Variants in TYW1B observed in about 807,000 individuals in gnomAD.
TYW1B encodes the protein S-adenosyl-L-methionine-dependent tRNA 4-demethylwyosine synthase TYW1B.
A neutral mutation model predicts 86.9 loss-of-function variants in TYW1B; 73 were observed. The observed-to-expected ratio is 0.84, with a 90% CI of 0.70 to 1.02. The LOEUF (loss-of-function observed/expected upper bound fraction) is 1.02, where lower values mean the gene tolerates loss of function less well. Ranked by LOEUF, TYW1B falls within the 50% of genes least tolerant of loss-of-function variation. The pLI is 0.00. For missense variants in TYW1B, 637 were observed against 827.4 expected (o/e 0.77, Z 2.82); for synonymous variants, 248 against 292.8 (o/e 0.85, Z 1.56).
intron 11 of TYW1B, among the ~76,000 whole-genome samples, chr7:72,644,191 AATAG>A (rs1406932590): frequency 2.0e-5 from 3 of 152,230 alleles, no homozygotes; most frequent in East Asian, 1.9e-4. Flanking sequence ...AGCCATTGAT[AATAG>A]ATAGTCACAT....
chr7:72,601,747 A>G (rs1554433775), intron 13 of TYW1B, among the ~76,000 whole-genome samples: 1 of 150,708 alleles, frequency 6.6e-6, no homozygotes, highest in African/African-American at 2.5e-5. Context: ...GCATATTGCT[A>G]AGTGAAAAAA....
intron 9 of TYW1B, among the ~76,000 whole-genome samples, chr7:72,719,275 G>T (rs536466895): frequency 9.2e-5 from 14 of 151,968 alleles, no homozygotes; most frequent in Admixed American, 2.0e-4. Flanking sequence ...TGCCTCCTCA[G>T]GTGCTAGGAC....
rs1585829044 is a variant in TYW1B, at chr7:72,589,145, C to T, written c.1786-13426G>A. On this transcript the variant is annotated intron_variant, in intron 13 of 13. Transcript: ENST00000620995. ...TACTCGTTTAAGCCTCAGTTTCCTC[C>T]TTTGGAATATGAGAAAAAATAGTAT... is the stretch of plus-strand genomic sequence containing the variant. 2.0e-5 allele frequency among the ~76,000 whole-genome samples: 3 copies of T among 152,156 alleles called. No individual in the cohort carries two copies. The South Asian group carries it at 6.2e-4, about 31-fold the overall frequency.
At chr7:72,717,627 T>G (rs1554456425) in intron 9 of TYW1B, among the ~76,000 whole-genome samples, 2 of 149,526 alleles carry the variant, frequency 1.3e-5, no homozygotes, top group African/African-American at 5.0e-5. Context: ...GTTAAGGTAT[T>G]GGTGTCAGCT....
intron 13 of TYW1B, among the ~76,000 whole-genome samples, chr7:72,606,965 T>A (rs1465660008): frequency 5.9e-5 from 9 of 152,194 alleles, no homozygotes; most frequent in East Asian, 3.9e-4. Context: ...TTATCACACC[T>A]AGAAACAGGA....
chr7:72,673,280 G>A (rs1427291160), intron 11 of TYW1B, among the ~76,000 whole-genome samples: 3 of 152,216 alleles, frequency 2.0e-5, no homozygotes, highest in Non-Finnish European at 4.4e-5. Flanking sequence ...TATCGAACAC[G>A]GAAGAGACAT....
intron 13 of TYW1B, among the ~76,000 whole-genome samples, chr7:72,594,692 G>A (rs1459726195): frequency 1.3e-5 from 2 of 152,098 alleles, no homozygotes; most frequent in African/African-American, 2.4e-5. Context: ...GCCAGACAAA[G>A]ATCGTACTGG....
intron 11 of TYW1B, among the ~76,000 whole-genome samples, chr7:72,680,489 G>A (rs1554448216): frequency 6.6e-6 from 1 of 152,160 alleles, no homozygotes; most frequent in Admixed American, 6.5e-5. Flanking sequence ...TTTGCCAGGG[G>A]CTCTCAGGCC....
At chr7:72,755,413 T>C (rs1260463108) in intron 7 of TYW1B, among the ~76,000 whole-genome samples, 2 of 152,116 alleles carry the variant, frequency 1.3e-5, no homozygotes, top group Admixed American at 1.3e-4. Flanking sequence ...TGATGGCTCA[T>C]GCCTGTAATC....
intron 11 of TYW1B, among the ~76,000 whole-genome samples, chr7:72,644,876 G>A (rs1228019670): frequency 2.9e-5 from 4 of 140,136 alleles, no homozygotes; most frequent in Non-Finnish European, 6.0e-5. Context: ...TACCCAGGCT[G>A]GAGTGCAGTG....
chr7:72,746,730 T>C (rs1787401818), intron 7 of TYW1B, among the ~76,000 whole-genome samples: 1 of 152,106 alleles, frequency 6.6e-6, no homozygotes, highest in Non-Finnish European at 1.5e-5. Context: ...ATGTAAGAAC[T>C]AGAGCCCATA....
intron 6 of TYW1B, 113 bp from the exon 7 acceptor site, chr7:72,777,646 T>G (rs6968480): frequency 0.74 from 974,162 of 1,312,282 alleles, 365,465 homozygotes; most frequent in Non-Finnish European, 0.77. Context: ...CTGGGCATAG[T>G]GGCTCACGCC....
At chr7:72,651,486 G>C (rs1813055847) in intron 11 of TYW1B, among the ~76,000 whole-genome samples, 1 of 143,938 alleles carries the variant, frequency 6.9e-6, no homozygotes, top group African/African-American at 2.7e-5. Context: ...GGCATGGCGG[G>C]CACCTATAAT....
intron 6 of TYW1B, among the ~76,000 whole-genome samples, chr7:72,791,413 CA>C (rs782341439): frequency 0.2 from 27,619 of 138,392 alleles, 2,156 homozygotes; most frequent in African/African-American, 0.25. Flanking sequence ...TGCTAAACCT[CA>C]AAAAAAAAAA....
chr7:72,591,538 A>G (rs1554431431), intron 13 of TYW1B, among the ~76,000 whole-genome samples: 2 of 152,228 alleles, frequency 1.3e-5, no homozygotes, highest in Non-Finnish European at 1.5e-5. Flanking sequence ...AATAATGTTT[A>G]AAGTGCTGAA....
intron 2 of TYW1B, 55 bp downstream of exon 2, chr7:72,826,800 T>C: frequency 1.3e-6 from 2 of 1,578,586 alleles, no homozygotes; most frequent in Non-Finnish European, 1.7e-6. Flanking sequence ...AGTGTTTAAA[T>C]CCTCTATAAA....
intron 11 of TYW1B, among the ~76,000 whole-genome samples, chr7:72,648,198 C>A (rs1554442298): frequency 6.6e-6 from 1 of 152,034 alleles, no homozygotes; most frequent in African/African-American, 2.4e-5. Flanking sequence ...TTGGGTTTAA[C>A]AGTCTCTTGA....
intron 13 of TYW1B, among the ~76,000 whole-genome samples, chr7:72,598,077 T>C (rs1811577954): frequency 6.6e-6 from 1 of 152,206 alleles, no homozygotes; most frequent in Non-Finnish European, 1.5e-5. Flanking sequence ...GGTGTTTCTG[T>C]ATGGGTGTTG....
At chr7:72,593,649 C>G (rs1350180716) in intron 13 of TYW1B, among the ~76,000 whole-genome samples, 1 of 151,540 alleles carries the variant, frequency 6.6e-6, no homozygotes, top group East Asian at 1.9e-4. Context: ...AGTGAAACCC[C>G]GTCTTTACTA....
Sources: gnomAD v4.1 joint callset for allele counts (sites outside exome capture counted in the v4.1 genomes callset) on GRCh38, gnomAD v4.1.1 for gene constraint, MANE v1.5 for transcripts, NCBI Gene and HGNC (gene_info 2026-07-23, HGNC 2026-07-21) for gene names.